The following ANKFN1 variants were observed in gnomAD, a reference collection of about 807,000 sequenced individuals.
ANKFN1 encodes ankyrin repeat and fibronectin type-III domain-containing protein 1.
ANKFN1 carries 74 observed loss-of-function variants against 108.7 expected under a neutral mutation model. The ratio of observed to expected loss-of-function variants is 0.68; its 90% CI spans 0.56 to 0.83. ANKFN1 has a LOEUF of 0.83. Among genes scored for constraint, ANKFN1 ranks in the 40% least tolerant of loss-of-function variants. ANKFN1 has a pLI of 0.00. For synonymous variants in ANKFN1, 547 were observed against 516.2 expected (o/e 1.06, Z -0.81); for missense variants, 1,505 against 1,382.3 (o/e 1.09, Z -1.41).
chr17:56,359,785 G>A (rs2046467952), intron 6 of ANKFN1, among the ~76,000 whole-genome samples: 2 of 152,142 alleles, frequency 1.3e-5, no homozygotes, highest in African/African-American at 4.8e-5. Context: ...CTGGTTTTAT[G>A]TAAACAAACA....
At chr17:56,413,784 A>G (rs1324658533) in intron 8 of ANKFN1, among the ~76,000 whole-genome samples, 1 of 151,816 alleles carries the variant, frequency 6.6e-6, no homozygotes, top group Non-Finnish European at 1.5e-5. Context: ...CAGTGGTGCC[A>G]TCTCAGCTCA....
intron 4 of ANKFN1, among the ~76,000 whole-genome samples, chr17:56,074,536 C>T (rs1184244886): frequency 6.6e-6 from 1 of 152,160 alleles, no homozygotes; most frequent in Non-Finnish European, 1.5e-5. Flanking sequence ...CTGAAACAGG[C>T]GCTGACAGCT....
At chr17:56,386,746 T>A (rs1332315682) in intron 8 of ANKFN1, among the ~76,000 whole-genome samples, 3 of 152,080 alleles carry the variant, frequency 2.0e-5, no homozygotes, top group African/African-American at 7.2e-5. Flanking sequence ...GTCTCTCTTA[T>A]CGTCTTTTAT....
At chr17:56,105,670 C>T (rs1220804456) in intron 4 of ANKFN1, among the ~76,000 whole-genome samples, 2 of 147,264 alleles carry the variant, frequency 1.4e-5, no homozygotes, top group Non-Finnish European at 3.0e-5. Flanking sequence ...TTTATTATTG[C>T]TTTTTTTCAG....
At chr17:56,352,631 T>C (rs1567936988) in intron 5 of ANKFN1, among the ~76,000 whole-genome samples, 1 of 152,186 alleles carries the variant, frequency 6.6e-6, no homozygotes, top group African/African-American at 2.4e-5. Flanking sequence ...CATATTTTCT[T>C]AAGCTATTTT....
intron 4 of ANKFN1, among the ~76,000 whole-genome samples, chr17:56,143,964 C>G (rs936259745): frequency 1.3e-5 from 2 of 152,074 alleles, no homozygotes; most frequent in African/African-American, 4.8e-5. Flanking sequence ...TAAGTGGAGG[C>G]TTTTTCAAGC....
At chr17:56,170,807 T>TATATATATATACACAC (rs1361307404) in intron 1 of ANKFN1, among the ~76,000 whole-genome samples, 131 of 61,394 alleles carry the variant, frequency 2.1e-3, no homozygotes, top group African/African-American at 4.2e-3. Flanking sequence ...TATATATATA[T>TATATATATATACACAC]ACACACACAC....
intron 19 of ANKFN1, 113 bp from the exon 20 acceptor site, chr17:56,498,769 T>A: frequency 1.2e-6 from 1 of 800,078 alleles, no homozygotes; most frequent in Non-Finnish European, 2.0e-6. Flanking sequence ...AATATTTTAC[T>A]CTTGCTCAAA....
chr17:56,362,509 C>T (rs1452091623), intron 6 of ANKFN1, among the ~76,000 whole-genome samples: 1 of 152,190 alleles, frequency 6.6e-6, no homozygotes, highest in Admixed American at 6.5e-5. Context: ...AGAGAATAGT[C>T]TCTTCAATAT....
At chr17:56,374,493 A>G (rs1433430526) in intron 7 of ANKFN1, 108 bp from the exon 8 acceptor site, 1 of 819,420 alleles carries the variant, frequency 1.2e-6, no homozygotes, top group African/African-American at 1.7e-5. Context: ...GGCTCCACAA[A>G]CAAATGTTTC....
rs893142312 is a variant in ANKFN1, at chr17:56,510,473, A to G, written c.2645A>G (p.Asp882Gly). The change falls in exon 21 of 21, where the codon GAT (aspartate) becomes GGT (glycine). Residue 882 changes from aspartate to glycine, a missense_variant and splice_region_variant. Coordinates refer to ENST00000682825, the MANE Select transcript of ANKFN1 (RefSeq NM_001370326.1). ...PEMHRRKTVS[D>G]SQPCSDEEAC... Reference sequence around the variant, plus strand: ...CTAACCTCAGTTTCTGGCTTCGCAGATTCACAGCCCTGCTCTGATGAAGAA... The same window carrying G: ...CTAACCTCAGTTTCTGGCTTCGCAGGTTCACAGCCCTGCTCTGATGAAGAA... 1 of 1,533,668 alleles carries G rather than the reference A, an allele frequency of 6.5e-7. No individual in the cohort carries two copies. The highest frequency in any genetic ancestry group is 8.7e-7 in the Non-Finnish European group (1 of 1,146,172).
At chr17:56,448,567 G>T (rs555868214) in intron 10 of ANKFN1, among the ~76,000 whole-genome samples, 3 of 152,282 alleles carry the variant, frequency 2.0e-5, no homozygotes, top group African/African-American at 7.2e-5. Flanking sequence ...CCATTTCTTG[G>T]CATCTGACAT....
intron 16 of ANKFN1, among the ~76,000 whole-genome samples, chr17:56,479,221 C>A (rs1430112704): frequency 6.6e-6 from 1 of 152,192 alleles, no homozygotes; most frequent in African/African-American, 2.4e-5. Flanking sequence ...GTAGCCTTTT[C>A]TCTGTCAGTT....
intron 4 of ANKFN1, among the ~76,000 whole-genome samples, chr17:56,133,111 G>T (rs1274495229): frequency 1.3e-5 from 2 of 152,154 alleles, no homozygotes; most frequent in African/African-American, 4.8e-5. Context: ...ACCCAGGAAA[G>T]TCAACTCTCT....
chr17:56,385,651 G>C (rs939689688), intron 8 of ANKFN1, among the ~76,000 whole-genome samples: 15 of 152,276 alleles, frequency 9.9e-5, no homozygotes, highest in African/African-American at 3.6e-4. Flanking sequence ...CCATCAAAAA[G>C]TGTGCGAAGG....
intron 3 of ANKFN1, among the ~76,000 whole-genome samples, chr17:56,276,654 T>G (rs777745243): frequency 6.6e-6 from 1 of 152,236 alleles, no homozygotes; most frequent in Non-Finnish European, 1.5e-5. Flanking sequence ...TGTCTTCTTT[T>G]GAGAAGTGTC....
At chr17:56,188,774 C>T (rs548579286) in intron 1 of ANKFN1, among the ~76,000 whole-genome samples, 7 of 151,362 alleles carry the variant, frequency 4.6e-5, no homozygotes, top group Non-Finnish European at 8.8e-5. Flanking sequence ...CTCAGAATAT[C>T]CTGGGTGATA....
chr17:56,290,747 T>C (rs766442725), intron 3 of ANKFN1, among the ~76,000 whole-genome samples: 13 of 152,244 alleles, frequency 8.5e-5, no homozygotes, highest in Non-Finnish European at 1.5e-4. Context: ...CTAATTTCAT[T>C]AGCCACTGTA....
At chr17:56,496,430 C>T (rs567076611) in intron 19 of ANKFN1, among the ~76,000 whole-genome samples, 25 of 152,148 alleles carry the variant, frequency 1.6e-4, no homozygotes, top group Admixed American at 1.6e-3. Context: ...TATTCCCTCA[C>T]AGCTCTGGAG....
Sources: allele counts gnomAD v4.1 joint callset (sites outside exome capture counted in the v4.1 genomes callset), GRCh38; gene constraint gnomAD v4.1.1; transcripts MANE v1.5; gene names NCBI Gene and HGNC (gene_info 2026-07-23, HGNC 2026-07-21).